Variants in EXOC6 observed in about 807,000 individuals in gnomAD.
EXOC6 encodes exocyst complex component 6.
A neutral mutation model predicts 112.5 loss-of-function variants in EXOC6; 60 were observed. That is an observed-to-expected ratio of 0.53 (90% CI 0.43 to 0.66). The LOEUF is 0.66. EXOC6 is among the 30% of genes least tolerant of loss of function. The probability of loss-of-function intolerance (pLI) is 0.00; values close to 1 mark genes in which losing one functional copy is unlikely to be tolerated. For synonymous variants in EXOC6, 295 were observed against 308.0 expected (o/e 0.96, Z 0.44); for missense variants, 855 against 957.1 (o/e 0.89, Z 1.41).
intron 1 of EXOC6, among the ~76,000 whole-genome samples, chr10:92,862,466 G>C (rs1847958338): frequency 6.6e-6 from 1 of 152,112 alleles, no homozygotes; most frequent in Non-Finnish European, 1.5e-5. Flanking sequence ...GAGAGAGAGA[G>C]AGAGATCCTG....
intron 20 of EXOC6, among the ~76,000 whole-genome samples, chr10:93,039,191 T>G (rs959982651): frequency 6.6e-6 from 1 of 152,198 alleles, no homozygotes; most frequent in African/African-American, 2.4e-5. Flanking sequence ...TTTTTTTTAT[T>G]TGAGACTACC....
intron 20 of EXOC6, among the ~76,000 whole-genome samples, chr10:93,021,583 T>A (rs181992933): frequency 6.6e-5 from 10 of 152,334 alleles, no homozygotes; most frequent in Non-Finnish European, 1.5e-4. Flanking sequence ...TAGAAGGAGT[T>A]CCCTCTGTTG....
intron 19 of EXOC6, among the ~76,000 whole-genome samples, chr10:93,002,862 C>A (rs1458283259): frequency 6.6e-6 from 1 of 152,142 alleles, no homozygotes; most frequent in Non-Finnish European, 1.5e-5. Context: ...TCATAGTGAT[C>A]ACTTTCTCTT....
At chr10:92,912,795 AACCCT>A (rs1850862790) in intron 6 of EXOC6, among the ~76,000 whole-genome samples, 1 of 152,180 alleles carries the variant, frequency 6.6e-6, no homozygotes, top group Non-Finnish European at 1.5e-5. Context: ...AGTATGCCTT[AACCCT>A]AAAGGGGCCT....
intron 5 of EXOC6, among the ~76,000 whole-genome samples, chr10:92,905,180 A>G (rs1455987682): frequency 6.6e-6 from 1 of 152,002 alleles, no homozygotes; most frequent in Non-Finnish European, 1.5e-5. Flanking sequence ...TTATAACTTT[A>G]TACAGTATTA....
chr10:92,975,402 C>T (rs1842488176), intron 18 of EXOC6, among the ~76,000 whole-genome samples: 1 of 151,494 alleles, frequency 6.6e-6, no homozygotes, highest in African/African-American at 2.4e-5. Context: ...AGGAGCCCCT[C>T]CGCCCGGCAG....
chr10:92,846,498 C>A (rs1847057769), upstream of EXOC6, among the ~76,000 whole-genome samples: 1 of 152,056 alleles, frequency 6.6e-6, no homozygotes, highest in African/African-American at 2.4e-5. Flanking sequence ...CTAAGAAGTT[C>A]TTGAGAGGGG....
At chr10:92,845,103 T>TGGTGTA (rs1302418421), upstream of EXOC6, among the ~76,000 whole-genome samples, 3 of 152,248 alleles carry the variant, frequency 2.0e-5, no homozygotes, top group Non-Finnish European at 2.9e-5. Flanking sequence ...CTGGTCTTCC[T>TGGTGTA]GGTGTATCTT....
intron 14 of EXOC6, among the ~76,000 whole-genome samples, chr10:92,950,589 A>G (rs113905901): frequency 0.015 from 2,280 of 152,278 alleles, 53 homozygotes; most frequent in African/African-American, 0.052. Flanking sequence ...TGCATTGCTT[A>G]AGATAGGGGA....
In EXOC6 at chr10:92,976,624, T is replaced by G. The variant is rs748228983; in HGVS notation, c.1953+2392T>G. On this transcript the variant is annotated intron_variant, in intron 18 of 21. Coordinates refer to ENST00000260762, the MANE Select transcript of EXOC6 (RefSeq NM_019053.6). ...CCACTATTGTCCTATGACCCTGCCA[T>G]CCCCCTCTGCGAGAAACACCCAAGA... Among the ~76,000 whole-genome samples the G allele has an allele frequency of 2.7e-3, 275 of 102,236 alleles. 3 individuals are homozygous for G. Among genetic ancestry groups the G allele is most frequent in the Admixed American group, 5.2e-3 (44 of 8,506 alleles). 67.1% of individuals were successfully genotyped at this position (102,236 alleles called of 152,430 possible).
chr10:92,969,342 C>A (rs1418450051), intron 17 of EXOC6, among the ~76,000 whole-genome samples: 1 of 152,136 alleles, frequency 6.6e-6, no homozygotes, highest in Non-Finnish European at 1.5e-5. Flanking sequence ...TGATTCTAAT[C>A]CCCAGCTATT....
intron 1 of EXOC6, among the ~76,000 whole-genome samples, chr10:92,887,534 G>T (rs1308166493): frequency 2.6e-5 from 4 of 151,360 alleles, no homozygotes; most frequent in African/African-American, 9.7e-5. Flanking sequence ...CAAGTAGCTG[G>T]GATTACAGGC....
At chr10:92,901,579 G>T (rs1170220800) in intron 5 of EXOC6, 1 of 138,886 alleles carries the variant, frequency 7.2e-6, no homozygotes, top group African/African-American at 2.6e-5. Flanking sequence ...GTATTTTTGT[G>T]TTTATTGTAT....
intron 6 of EXOC6, among the ~76,000 whole-genome samples, chr10:92,913,833 A>G (rs1850937428): frequency 1.3e-5 from 2 of 152,232 alleles, no homozygotes; most frequent in African/African-American, 4.8e-5. Context: ...GAGTGGCACA[A>G]AAAAAGTTAT....
At chr10:93,057,655 G>A (rs1185239149) in intron 21 of EXOC6, among the ~76,000 whole-genome samples, 4 of 151,966 alleles carry the variant, frequency 2.6e-5, no homozygotes, top group Admixed American at 2.0e-4. Flanking sequence ...GATTCTGGGG[G>A]CTGCTGGATA....
intron 1 of EXOC6, among the ~76,000 whole-genome samples, chr10:92,864,510 A>G (rs1848077473): frequency 6.6e-6 from 1 of 152,198 alleles, no homozygotes; most frequent in Admixed American, 6.5e-5. Flanking sequence ...AACTAGGTTA[A>G]GGGCTGCCCA....
chr10:92,868,879 C>G (rs1848311200), intron 1 of EXOC6, among the ~76,000 whole-genome samples: 1 of 140,274 alleles, frequency 7.1e-6, no homozygotes, highest in South Asian at 2.5e-4. Flanking sequence ...GTGGCATGAT[C>G]ATGACTCACC....
chr10:92,917,088 C>G (rs1342118621), intron 7 of EXOC6, among the ~76,000 whole-genome samples: 1 of 151,892 alleles, frequency 6.6e-6, no homozygotes, highest in Non-Finnish European at 1.5e-5. Flanking sequence ...CTCAGCCTCC[C>G]AAGTAGCTGG....
At chr10:92,973,171 A>G (rs552967109) in intron 17 of EXOC6, among the ~76,000 whole-genome samples, 1 of 152,320 alleles carries the variant, frequency 6.6e-6, no homozygotes, top group South Asian at 2.1e-4. Flanking sequence ...TCTTCCAGGG[A>G]ACCACCAGAT....
Sources: gnomAD v4.1 joint callset for allele counts (sites outside exome capture counted in the v4.1 genomes callset) on GRCh38, gnomAD v4.1.1 for gene constraint, MANE v1.5 for transcripts, NCBI Gene and HGNC (gene_info 2026-07-23, HGNC 2026-07-21) for gene names.